Variants in GAL3ST1 observed in about 807,000 individuals in gnomAD.
GAL3ST1 encodes galactose-3-O-sulfotransferase 1.
In GAL3ST1, 13 loss-of-function variants were observed where a neutral mutation model predicts 25.0. That is an observed-to-expected ratio of 0.52 (90% CI 0.34 to 0.83). The LOEUF is 0.83. Ranked by LOEUF, GAL3ST1 falls within the 40% of genes least tolerant of loss-of-function variation. The probability of loss-of-function intolerance (pLI) is 0.02; values close to 1 mark genes in which losing one functional copy is unlikely to be tolerated. For missense variants in GAL3ST1, 474 were observed against 613.6 expected (o/e 0.77, Z 2.40); for synonymous variants, 274 against 277.8 (o/e 0.99, Z 0.14).
intron 1 of GAL3ST1, among the ~76,000 whole-genome samples, chr22:30,559,600 T>C (rs1195524807): frequency 9.2e-5 from 14 of 152,222 alleles, no homozygotes; most frequent in Non-Finnish European, 1.3e-4. Flanking sequence ...CAGGCTGGTA[T>C]TGAACTCCTG....
chr22:30,554,831 C>T lies in GAL3ST1; in HGVS notation c.*122G>A. On this transcript the variant is annotated 3_prime_UTR_variant, in exon 4 of 4. Transcript: ENST00000406361. Reference sequence around the variant, plus strand: ...CTGGCTGCCTCCCCCCAGGGAGCCCCCCCTCACCCCGGGGTCTGAGGTGGC... The same window carrying T: ...CTGGCTGCCTCCCCCCAGGGAGCCCTCCCTCACCCCGGGGTCTGAGGTGGC... 1 of 736,322 alleles carries T rather than the reference C, an allele frequency of 1.4e-6. No homozygotes were observed. 45.6% of individuals were successfully genotyped at this position (736,322 alleles called of 1,614,324 possible).
In GAL3ST1 at chr22:30,555,036, C is replaced by T. The variant is rs1326460044; in HGVS notation, c.1189G>A (p.Glu397Lys). 1.2e-6 allele frequency: 2 copies of T among 1,611,274 alleles called. No individual in the cohort carries two copies. The highest frequency in any genetic ancestry group is 1.7e-6 in the Non-Finnish European group (2 of 1,178,456). The stretch of plus-strand genomic sequence containing the variant: ...CCGAGGTCCATCAGGTACTGGATCT[C>T]GGGCGTGAGCATGCGCCGGCAGAGC... ...AQLCRRMLTPEIQYLMDLGAN... is the reference protein window; with the variant it reads ...AQLCRRMLTPKIQYLMDLGAN... Residue 397 changes from glutamate to lysine, a missense_variant, in exon 4 of 4, where the codon GAG (glutamate) becomes AAG (lysine). This residue lies in a region of GAL3ST1 where 359 missense variants were observed against 504.4 expected (regional missense o/e 0.71). Coordinates refer to ENST00000406361, the MANE Select transcript of GAL3ST1 (RefSeq NM_001318104.2). The surrounding 1 kb of genome is among the most constrained non-coding windows in gnomAD (Gnocchi z 8.6).
chr22:30,557,379 T>G lies in GAL3ST1; in HGVS notation c.14A>C (p.Gln5Pro). 1 of 1,614,188 alleles carries G rather than the reference T, an allele frequency of 6.2e-7. No homozygotes were observed. The highest frequency in any genetic ancestry group is 2.2e-5 in the East Asian group (1 of 44,884). The stretch of plus-strand genomic sequence containing the variant: ...AGCCATGGACTCCCAGGGCTTCTTC[T>G]GCGGTGGCAGCATCTCAGACACCTG... Reference protein sequence around the residue: MLPPQKKPWESMAKG... With the variant: MLPPPKKPWESMAKG... Residue 5 changes from glutamine to proline, a missense_variant, in exon 3 of 4, where the codon CAG (glutamine) becomes CCG (proline). This residue lies in a region of GAL3ST1 where 115 missense variants were observed against 109.2 expected (regional missense o/e 1.05). Transcript: ENST00000406361.
chr22:30,570,432 T>C (rs569340348), intron 1 of GAL3ST1, among the ~76,000 whole-genome samples: 2 of 152,320 alleles, frequency 1.3e-5, no homozygotes, highest in East Asian at 1.9e-4. Flanking sequence ...TGCAGTATCA[T>C]TTCCTCCAGT....
At chr22:30,569,273 G>A (rs889967090) in intron 1 of GAL3ST1, among the ~76,000 whole-genome samples, 2 of 151,996 alleles carry the variant, frequency 1.3e-5, no homozygotes, top group African/African-American at 4.8e-5. Context: ...GGAGCAGGCC[G>A]ACCTCCATAG....
chr22:30,559,376 G>A (rs1301390502), intron 1 of GAL3ST1, among the ~76,000 whole-genome samples: 2 of 151,988 alleles, frequency 1.3e-5, no homozygotes, highest in Non-Finnish European at 1.5e-5. Flanking sequence ...AAGTAGCTGG[G>A]ATTACAGGCA....
chr22:30,556,127 G>C lies in GAL3ST1; in HGVS notation c.132-34C>G, dbSNP rs776277044. 10 of 1,532,368 alleles carry C rather than the reference G, an allele frequency of 6.5e-6. No homozygotes were observed. The East Asian group carries it at 6.8e-5, about 10-fold the overall frequency. The allele number at this position is 1,532,368 out of a possible 1,614,324, so 94.9% of individuals were successfully genotyped here. A position where few individuals can be genotyped will look rare whatever the true frequency, so the allele number is the denominator to read the frequency against. ...GACAGAGAGGTGGGGAGAGCCTCAG[G>C]GGGGTGCTGGGGCCCTCAGGACTCT... On this transcript the variant is annotated intron_variant, in intron 3 of 3. Transcript: ENST00000406361.
rs1416934939 is a variant in GAL3ST1 at position 30,555,891 on chromosome 22, G to A, written c.334C>T (p.Arg112Cys). 1.2e-6 allele frequency: 2 copies of A among 1,614,154 alleles called. No homozygotes were observed. The stretch of plus-strand genomic sequence containing the variant: ...AAGGTCGGGTAGTCGAAGTCATTGC[G>A]GCCGTTAGGGAAGGCGAACTTGAGC... ...HRLKFAFPNG[R>C]NDFDYPTFFA... Residue 112 changes from arginine to cysteine, a missense_variant, in exon 4 of 4, where the codon CGC becomes TGC. By Grantham distance (180) the Arg-to-Cys change is radical. Transcript: ENST00000406361. The surrounding 1 kb of genome is among the most constrained non-coding windows in gnomAD (Gnocchi z 8.6).
intron 1 of GAL3ST1, among the ~76,000 whole-genome samples, chr22:30,565,832 T>A (rs1187556051): frequency 6.6e-6 from 1 of 152,050 alleles, no homozygotes; most frequent in East Asian, 1.9e-4. Context: ...GGGCAGAGGG[T>A]CTCCTTGTGC....
At chr22:30,559,405 T>C (rs899240045) in intron 1 of GAL3ST1, among the ~76,000 whole-genome samples, 5 of 151,788 alleles carry the variant, frequency 3.3e-5, no homozygotes, top group Middle Eastern at 3.4e-3. Flanking sequence ...CACACCCAGC[T>C]AATTTTTGTA....
Position 30,554,645 on chromosome 22 carries a change from C to T in GAL3ST1, c.*308G>A, listed in dbSNP as rs1283677221. 8.0e-6 allele frequency: 1 copy of T among 124,624 alleles called. No individual in the cohort carries two copies. 7.7% of individuals were successfully genotyped at this position (124,624 alleles called of 1,614,324 possible). A position where few individuals can be genotyped will look rare whatever the true frequency, so the allele number is the denominator to read the frequency against. Reference sequence around the variant, plus strand: ...CACCACTGAGGCTGATTAACAAAAACACAACATCAAATTCCTTTACTTCTG... The same window carrying T: ...CACCACTGAGGCTGATTAACAAAAATACAACATCAAATTCCTTTACTTCTG... On this transcript the variant is annotated 3_prime_UTR_variant, in exon 4 of 4. Coordinates refer to ENST00000406361, the MANE Select transcript of GAL3ST1 (RefSeq NM_001318104.2).
chr22:30,559,568 A>ATATTAT (rs1211584176), intron 1 of GAL3ST1, among the ~76,000 whole-genome samples: 2 of 151,936 alleles, frequency 1.3e-5, no homozygotes, highest in Non-Finnish European at 2.9e-5. Flanking sequence ...TATTTATTTT[A>ATATTAT]TATTATTATT....
rs1472467992 is a variant in GAL3ST1 at position 30,574,592 on chromosome 22, GC to G, written c.-247del. 4.2e-5 allele frequency: 6 copies of G among 142,070 alleles called. No individual in the cohort carries two copies. The highest frequency in any genetic ancestry group is 9.3e-5 in the Non-Finnish European group (6 of 64,186). The allele number at this position is 142,070 out of a possible 1,614,324, so 8.8% of individuals were successfully genotyped here. ...TCCACCAGGCCTGGTCCATGCCCCC[GC>G]CCCCGCCGCCGCTGCCGCGCCGCGC... On this transcript the variant is annotated 5_prime_UTR_variant, in exon 1 of 4. Transcript: ENST00000406361.
chr22:30,568,599 A>G (rs1370006335), intron 1 of GAL3ST1, among the ~76,000 whole-genome samples: 1 of 152,234 alleles, frequency 6.6e-6, no homozygotes, highest in Non-Finnish European at 1.5e-5. Flanking sequence ...AGCAGCTAGC[A>G]TTAACTAATA....
At chr22:30,563,998 G>C (rs1409412870) in intron 1 of GAL3ST1, among the ~76,000 whole-genome samples, 1 of 152,076 alleles carries the variant, frequency 6.6e-6, no homozygotes, top group South Asian at 2.1e-4. Flanking sequence ...GTTTAGACTT[G>C]GGTTCCATCT....
chr22:30,557,120 C>T lies in GAL3ST1; in HGVS notation c.131+142G>A, dbSNP rs1324018479. 2.1e-5 allele frequency: 16 copies of T among 773,776 alleles called. No individual in the cohort carries two copies. The African/African-American group carries it at 2.7e-4, about 13-fold the overall frequency. The allele number at this position is 773,776 out of a possible 1,614,324, so 47.9% of individuals were successfully genotyped here. On this transcript the variant is annotated intron_variant, in intron 3 of 3. Transcript: ENST00000406361. ...GCGAGCTCTGCCATCAGTGGAATTT[C>T]TGTCTGGCACAGCATGGTGCAGGGT...
intron 1 of GAL3ST1, among the ~76,000 whole-genome samples, chr22:30,569,614 G>A (rs927769225): frequency 3.9e-5 from 6 of 151,998 alleles, no homozygotes; most frequent in Non-Finnish European, 2.9e-5. Context: ...AAAGAGGTAG[G>A]CGGGGAGCTG....
chr22:30,568,097 G>GA (rs1192782855), intron 1 of GAL3ST1, among the ~76,000 whole-genome samples: 4 of 152,228 alleles, frequency 2.6e-5, no homozygotes, highest in African/African-American at 9.6e-5. Context: ...CCTAACTGGG[G>GA]AGACACAGGA....
intron 3 of GAL3ST1, 92 bp downstream of exon 3, chr22:30,557,170 G>A (rs2086089523): frequency 7.4e-7 from 1 of 1,350,166 alleles, no homozygotes; most frequent in Non-Finnish European, 1.0e-6. Context: ...CAAGATCACT[G>A]GGGCAGGCCC....
Sources: allele counts gnomAD v4.1 joint callset (sites outside exome capture counted in the v4.1 genomes callset), GRCh38; gene constraint gnomAD v4.1.1; regional missense constraint gnomAD v4.1.1; non-coding constraint Gnocchi (gnomAD v3.1); transcripts MANE v1.5; gene names NCBI Gene and HGNC (gene_info 2026-07-23, HGNC 2026-07-21).